Variants in UGT2B7 observed in about 807,000 individuals in gnomAD.
UGT2B7 encodes the protein UDP-glucuronosyltransferase 2B7.
In UGT2B7, 51 loss-of-function variants were observed where a neutral mutation model predicts 51.9. The ratio of observed to expected loss-of-function variants is 0.98; its 90% CI spans 0.78 to 1.24. UGT2B7 has a LOEUF of 1.24. UGT2B7 is among the 50% of genes most tolerant of loss of function. The pLI is 0.00. For missense variants in UGT2B7, 727 were observed against 628.4 expected (o/e 1.16, Z -1.68); for synonymous variants, 225 against 211.6 (o/e 1.06, Z -0.55).
chr4:69,067,086 G>A (rs1317498488), intron 1 of UGT2B7, among the ~76,000 whole-genome samples: 1 of 152,070 alleles, frequency 6.6e-6, no homozygotes, highest in African/African-American at 2.4e-5. Context: ...TTTTGTGGGG[G>A]AGGGTGGTAA....
chr4:69,092,551 G>GGACTAACA (rs61641343), upstream of UGT2B7, among the ~76,000 whole-genome samples: 92,299 of 151,408 alleles, frequency 0.61, 29,200 homozygotes, highest in African/African-American at 0.75. Flanking sequence ...GCACATCGTA[G>GGACTAACA]GACAGAGTGA....
intron 2 of UGT2B7, among the ~76,000 whole-genome samples, chr4:69,099,341 A>T (rs544351610): frequency 3.9e-4 from 60 of 151,936 alleles, no homozygotes; most frequent in Admixed American, 1.4e-3. Flanking sequence ...GGGAGAGACT[A>T]AGACTCGGAT....
At chr4:69,074,885 AT>A (rs1256018833) in intron 1 of UGT2B7, among the ~76,000 whole-genome samples, 3 of 152,030 alleles carry the variant, frequency 2.0e-5, no homozygotes, top group African/African-American at 7.2e-5. Context: ...TTTTGACATC[AT>A]TTTTTAATGC....
At chr4:69,084,514 T>A (rs1215322039) in intron 1 of UGT2B7, among the ~76,000 whole-genome samples, 2 of 149,090 alleles carry the variant, frequency 1.3e-5, no homozygotes, top group Admixed American at 1.3e-4. Flanking sequence ...GTTTGATACA[T>A]AGGTATACAT....
chr4:69,060,823 ACT>A (rs1263653511), intron 1 of UGT2B7, among the ~76,000 whole-genome samples: 2 of 152,130 alleles, frequency 1.3e-5, no homozygotes, highest in Admixed American at 1.3e-4. Context: ...TCCGAGAATA[ACT>A]CAATACCAAG....
chr4:69,066,250 A>C (rs1006774953), intron 1 of UGT2B7: 3 of 152,164 alleles, frequency 2.0e-5, no homozygotes, highest in African/African-American at 4.8e-5. Context: ...TTTGTTTTAC[A>C]GATTATTTCA....
At chr4:69,107,933 C>G (rs952696846) in intron 4 of UGT2B7, among the ~76,000 whole-genome samples, 170 bp from the exon 5 acceptor site, 9 of 152,094 alleles carry the variant, frequency 5.9e-5, no homozygotes, top group Admixed American at 5.9e-4. Flanking sequence ...CACCGTATAG[C>G]CTTCAGTTAC....
At chr4:69,053,724 G>A (rs1577903192) in intron 1 of UGT2B7, among the ~76,000 whole-genome samples, 1 of 152,282 alleles carries the variant, frequency 6.6e-6, no homozygotes, top group East Asian at 1.9e-4. Context: ...TTAGAGACCT[G>A]AAAGGATGCA....
chr4:69,070,707 G>A (rs1359737435), intron 1 of UGT2B7, among the ~76,000 whole-genome samples: 1 of 152,080 alleles, frequency 6.6e-6, no homozygotes, highest in Non-Finnish European at 1.5e-5. Context: ...TATTAGACAA[G>A]GTGAGTTAGA....
At chr4:69,064,112 A>AAGAGAAAG (rs754723956) in intron 1 of UGT2B7, among the ~76,000 whole-genome samples, 2 of 86,802 alleles carry the variant, frequency 2.3e-5, no homozygotes, top group African/African-American at 1.2e-4. Context: ...GAAAGAAAGA[A>AAGAGAAAG]AAAGAAAGAA....
At position 69,064,112 on chromosome 4, in the gene UGT2B7, A is replaced by AAGAG. The variant is rs754723956; in HGVS notation, c.-159+12511_-159+12512insGAGA. On this transcript the variant is annotated intron_variant, in intron 1 of 5. Coordinates refer to the UGT2B7 transcript ENST00000502942. The stretch of plus-strand genomic sequence containing the variant: ...AGAAAGAAAGAGAAAGAAAGAAAGA[A>AAGAG]AAAGAAAGAAAGAAAGAAAGAAAGA... Among the ~76,000 whole-genome samples the AAGAG allele has an allele frequency of 6.2e-4, 54 of 86,762 alleles. 1 individual carries two copies. The highest frequency in any genetic ancestry group is 1.8e-3 in the Admixed American group (16 of 8,818). The allele number at this position is 86,762 out of a possible 152,430, so 56.9% of individuals were successfully genotyped here.
intron 1 of UGT2B7, among the ~76,000 whole-genome samples, chr4:69,082,967 T>C (rs1404287900): frequency 2.6e-5 from 4 of 152,140 alleles, no homozygotes; most frequent in African/African-American, 9.7e-5. Context: ...AATGTTCATT[T>C]ATTATTTTGA....
upstream of UGT2B7, among the ~76,000 whole-genome samples, chr4:69,093,166 C>G (rs1390008083): frequency 1.3e-5 from 2 of 152,106 alleles, no homozygotes; most frequent in East Asian, 3.9e-4. Context: ...ACTGGAGTCC[C>G]CTGTTGGGAG....
At chr4:69,087,254 A>T (rs535388155) in intron 1 of UGT2B7, among the ~76,000 whole-genome samples, 1 of 152,080 alleles carries the variant, frequency 6.6e-6, no homozygotes, top group African/African-American at 2.4e-5. Flanking sequence ...GATTTACAAA[A>T]ATATTTTATT....
intron 2 of UGT2B7, among the ~76,000 whole-genome samples, chr4:69,102,409 GA>G (rs1719447034): frequency 6.6e-6 from 1 of 152,088 alleles, no homozygotes; most frequent in Admixed American, 6.5e-5. Flanking sequence ...GGATTTAGTA[GA>G]ACAACAATAT....
At chr4:69,096,281 G>A (rs1236793686), upstream of UGT2B7, among the ~76,000 whole-genome samples, 1 of 152,076 alleles carries the variant, frequency 6.6e-6, no homozygotes. Context: ...CTTGATATTA[G>A]CTGAAGGATA....
chr4:69,079,148 T>C (rs1479401013), intron 1 of UGT2B7, among the ~76,000 whole-genome samples: 3 of 152,198 alleles, frequency 2.0e-5, no homozygotes, highest in Non-Finnish European at 4.4e-5. Context: ...GTTGCCCATC[T>C]GGCTAACAGC....
chr4:69,096,262 T>C (rs1258431579), upstream of UGT2B7, among the ~76,000 whole-genome samples: 1 of 152,176 alleles, frequency 6.6e-6, no homozygotes, highest in East Asian at 1.9e-4. Flanking sequence ...GGCATGTCCA[T>C]ACAAGATCCT....
At chr4:69,087,130 G>GTC (rs1464586085) in intron 1 of UGT2B7, among the ~76,000 whole-genome samples, 3 of 147,400 alleles carry the variant, frequency 2.0e-5, no homozygotes, top group Admixed American at 6.8e-5. Context: ...CTCTCTCTCT[G>GTC]TCTCTCTCTC....
Sources: gnomAD v4.1 joint callset for allele counts (sites outside exome capture counted in the v4.1 genomes callset) on GRCh38, gnomAD v4.1.1 for gene constraint, MANE v1.5 for transcripts, NCBI Gene and HGNC (gene_info 2026-07-23, HGNC 2026-07-21) for gene names.